The following PPP1CB variants were observed in gnomAD, a reference collection of about 807,000 sequenced individuals.
The protein encoded by PPP1CB is protein phosphatase 1 catalytic subunit beta.
Under a neutral mutation model 43.7 loss-of-function variants are expected in PPP1CB, and 2 were observed. That is an observed-to-expected ratio of 0.05 (90% CI 0.02 to 0.14). The LOEUF (loss-of-function observed/expected upper bound fraction) is 0.14, where lower values mean the gene tolerates loss of function less well. Among genes scored for constraint, PPP1CB ranks in the 10% least tolerant of loss-of-function variants. The pLI, the probability that PPP1CB is intolerant of heterozygous loss-of-function variation, is 1.00. For synonymous variants in PPP1CB, 136 were observed against 135.6 expected, an observed-to-expected ratio of 1.00 and a Z score of -0.02; for missense variants, 84 against 398.0, an observed-to-expected ratio of 0.21 and a Z score of 6.71.
At chr2:28,760,683 T>C (rs1001654307) in intron 1 of PPP1CB, among the ~76,000 whole-genome samples, 1 of 152,194 alleles carries the variant, frequency 6.6e-6, no homozygotes, top group African/African-American at 2.4e-5. Context: ...GAAATCAAAA[T>C]CTAAGTTTTC....
chr2:28,768,827 T>C (rs1245669581), intron 1 of PPP1CB, among the ~76,000 whole-genome samples: 1 of 151,656 alleles, frequency 6.6e-6, no homozygotes, highest in Admixed American at 6.6e-5. Flanking sequence ...TATCTAGTGC[T>C]GACAGAAAAA....
intron 1 of PPP1CB, among the ~76,000 whole-genome samples, chr2:28,754,668 G>A (rs980293611): frequency 6.6e-6 from 1 of 152,162 alleles, no homozygotes; most frequent in African/African-American, 2.4e-5. Context: ...CTTGTCCAGA[G>A]CAGACTTGAA....
chr2:28,769,880 A>G (rs148314564), intron 1 of PPP1CB, among the ~76,000 whole-genome samples: 65 of 152,336 alleles, frequency 4.3e-4, no homozygotes, highest in African/African-American at 1.5e-3. Context: ...ATGCAGGGAA[A>G]GAGAGAGGAA....
At chr2:28,776,217 G>GT (rs1206614796) in intron 1 of PPP1CB, among the ~76,000 whole-genome samples, 1 of 150,276 alleles carries the variant, frequency 6.7e-6, no homozygotes, top group Non-Finnish European at 1.5e-5. Flanking sequence ...GCTCTGAAAT[G>GT]TTTTTTTGTG....
chr2:28,767,999 A>G lies in PPP1CB; in HGVS notation c.53-8852A>G, dbSNP rs147818080. Among the ~76,000 whole-genome samples, 3 of 152,294 alleles carry G rather than the reference A, an allele frequency of 2.0e-5. No individual in the cohort carries two copies. In the East Asian group the frequency reaches 5.8e-4, roughly 29 times the overall value. The stretch of plus-strand genomic sequence containing the variant: ...TGTGTGACTGATTAAGTCAGGTGAA[A>G]TAAATTGGGATTAGGAGCCATGGTG... On this transcript the variant is annotated intron_variant, in intron 1 of 7. Transcript: ENST00000395366.
At chr2:28,779,060 A>C (rs1223288673) in intron 3 of PPP1CB, 21 bp downstream of exon 3, 1 of 1,494,660 alleles carries the variant, frequency 6.7e-7, no homozygotes, top group South Asian at 1.2e-5. Flanking sequence ...ATAAAGACTT[A>C]GAAAAGTAAT....
At chr2:28,782,120 C>T (rs1286117567) in intron 4 of PPP1CB, 3 of 383,704 alleles carry the variant, frequency 7.8e-6, no homozygotes, top group African/African-American at 6.4e-5. Context: ...AAAGACACCC[C>T]TGCTATTTAT....
chr2:28,781,890 C>T (rs962339598), intron 4 of PPP1CB, 48 bp downstream of exon 4: 43 of 1,214,448 alleles, frequency 3.5e-5, no homozygotes, highest in African/African-American at 2.3e-4. Flanking sequence ...TTCTATTATT[C>T]GGAAAATACC....
Position 28,802,902 on chromosome 2 carries a change from T to A in PPP1CB, c.*3599T>A, listed in dbSNP as rs1011169494. 1.3e-5 allele frequency: 2 copies of A among 152,232 alleles called. No individual in the cohort carries two copies. Among genetic ancestry groups the A allele is most frequent in the African/African-American group, 4.8e-5 (2 of 41,462 alleles). The allele number at this position is 152,232 out of a possible 1,614,324, so 9.4% of individuals were successfully genotyped here. A position where few individuals can be genotyped will look rare whatever the true frequency, so the allele number is the denominator to read the frequency against. ...ATTGTAATTTACCTTCTCATGCAGA[T>A]TGCTGATGTTTTATTAAACCTTATT... On this transcript the variant is annotated 3_prime_UTR_variant, in exon 8 of 8. Coordinates refer to ENST00000395366, the MANE Select transcript of PPP1CB (RefSeq NM_002709.3).
At chr2:28,785,403 C>G (rs1389810347) in intron 5 of PPP1CB, among the ~76,000 whole-genome samples, 4 of 151,776 alleles carry the variant, frequency 2.6e-5, no homozygotes, top group Non-Finnish European at 5.9e-5. Flanking sequence ...CATAACACGA[C>G]TTGTTGTGTT....
At chr2:28,758,896 G>C (rs755361493) in intron 1 of PPP1CB, among the ~76,000 whole-genome samples, 2 of 152,134 alleles carry the variant, frequency 1.3e-5, no homozygotes, top group Non-Finnish European at 2.9e-5. Flanking sequence ...TGCATAATTG[G>C]GAGGTTTTAA....
At chr2:28,776,157 T>C (rs573266994) in intron 1 of PPP1CB, among the ~76,000 whole-genome samples, 8 of 151,814 alleles carry the variant, frequency 5.3e-5, no homozygotes, top group Non-Finnish European at 1.0e-4. Flanking sequence ...GAGGCTGTTT[T>C]GACATCCTAC....
intron 1 of PPP1CB, among the ~76,000 whole-genome samples, chr2:28,754,368 G>A (rs1314575294): frequency 1.3e-5 from 2 of 150,836 alleles, no homozygotes; most frequent in Admixed American, 6.6e-5. Context: ...GGTAAGAATT[G>A]TAGTCCAGAT....
intron 1 of PPP1CB, among the ~76,000 whole-genome samples, chr2:28,766,894 A>C (rs1666788663): frequency 6.6e-6 from 1 of 152,158 alleles, no homozygotes; most frequent in Non-Finnish European, 1.5e-5. Context: ...ATCCTGGCTA[A>C]CATGGTGAAA....
intron 6 of PPP1CB, among the ~76,000 whole-genome samples, chr2:28,789,132 G>C (rs1025312382): frequency 6.6e-6 from 1 of 152,130 alleles, no homozygotes; most frequent in African/African-American, 2.4e-5. Flanking sequence ...TAGGAGAGGT[G>C]GCAGAGCCAG....
At chr2:28,788,849 T>C (rs772691632) in intron 6 of PPP1CB, 40 bp downstream of exon 6, 7 of 1,543,638 alleles carry the variant, frequency 4.5e-6, no homozygotes, top group South Asian at 1.2e-5. Flanking sequence ...CTTTTTTCTT[T>C]CTTTTTTTTG....
chr2:28,785,852 T>C (rs1667255985), intron 5 of PPP1CB, among the ~76,000 whole-genome samples: 2 of 151,926 alleles, frequency 1.3e-5, no homozygotes, highest in South Asian at 4.2e-4. Context: ...AGGTATAATA[T>C]AAATATGTAT....
At chr2:28,789,904 C>T (rs1667351240) in intron 6 of PPP1CB, among the ~76,000 whole-genome samples, 1 of 152,058 alleles carries the variant, frequency 6.6e-6, no homozygotes, top group African/African-American at 2.4e-5. Context: ...TGCCCAGCCT[C>T]ATTTTTATAT....
chr2:28,799,959 A>G lies in PPP1CB; in HGVS notation c.*656A>G, dbSNP rs901310395. The G allele has an allele frequency of 1.3e-5, 2 of 152,498 alleles. No individual in the cohort carries two copies. The highest frequency in any genetic ancestry group is 4.8e-5 in the African/African-American group (2 of 41,452). The allele number at this position is 152,498 out of a possible 1,614,324, so 9.4% of individuals were successfully genotyped here. On this transcript the variant is annotated 3_prime_UTR_variant, in exon 8 of 8. Coordinates refer to ENST00000395366, the MANE Select transcript of PPP1CB (RefSeq NM_002709.3). ...TTTAATCATACAGTTTGACTGGGCA[A>G]ACTTTACAGCTGATAGTGAATATTT... is the stretch of plus-strand genomic sequence containing the variant.
Sources: gnomAD v4.1 joint callset for allele counts (sites outside exome capture counted in the v4.1 genomes callset) on GRCh38, gnomAD v4.1.1 for gene constraint, MANE v1.5 for transcripts, NCBI Gene and HGNC (gene_info 2026-07-23, HGNC 2026-07-21) for gene names.